NDFIP1: variants seen among roughly 807,000 people sequenced by gnomAD.
NDFIP1 encodes the protein NEDD4 family-interacting protein 1.
NDFIP1 carries 7 observed loss-of-function variants against 28.8 expected under a neutral mutation model. The ratio of observed to expected loss-of-function variants is 0.24; its 90% confidence interval spans 0.14 to 0.46. The LOEUF is 0.46. Among genes scored for constraint, NDFIP1 ranks in the 20% least tolerant of loss-of-function variants. NDFIP1 has a pLI of 0.99. For synonymous variants in NDFIP1, 92 were observed against 101.0 expected (o/e 0.91, Z 0.53); for missense variants, 194 against 269.1 (o/e 0.72, Z 1.95).
intron 1 of NDFIP1, among the ~76,000 whole-genome samples, chr5:142,119,214 A>G (rs1262074461): frequency 2.6e-5 from 4 of 152,186 alleles, no homozygotes; most frequent in Non-Finnish European, 5.9e-5. Flanking sequence ...CCTTATCTAT[A>G]AACTCCCACT....
At chr5:142,136,128 A>G (rs953662635) in intron 4 of NDFIP1, among the ~76,000 whole-genome samples, 3 of 152,154 alleles carry the variant, frequency 2.0e-5, no homozygotes, top group Admixed American at 2.0e-4. Flanking sequence ...CTCATACTTA[A>G]TCTGTAGAAT....
At chr5:142,140,667 T>C (rs374399532) in intron 6 of NDFIP1, 38 bp downstream of exon 6, 1 of 1,517,668 alleles carries the variant, frequency 6.6e-7, no homozygotes, top group Non-Finnish European at 9.0e-7. Context: ...AAGAAAACAT[T>C]ACATTAAATT....
chr5:142,144,557 C>T lies in NDFIP1; in HGVS notation c.563-14C>T. The T allele has an allele frequency of 6.3e-7, 1 of 1,578,594 alleles. No individual in the cohort carries two copies. Among genetic ancestry groups the T allele is most frequent in the East Asian group, 2.2e-5 (1 of 44,612 alleles). On this transcript the variant is annotated splice_polypyrimidine_tract_variant and intron_variant, in intron 6 of 7. Transcript: ENST00000253814. ...AATTATAAATTCATTCATGACTTTT[C>T]TTTTTTAAATTAGGCTTTCTCCTGT...
chr5:142,135,585 T>C (rs180877932), intron 3 of NDFIP1, 145 bp from the exon 4 acceptor site: 1 of 574,078 alleles, frequency 1.7e-6, no homozygotes, highest in East Asian at 2.8e-5. Context: ...CAAAATGGAA[T>C]TTTAAACACA....
intron 1 of NDFIP1, among the ~76,000 whole-genome samples, chr5:142,111,379 AT>A (rs778290311): frequency 9.2e-5 from 14 of 152,080 alleles, no homozygotes; most frequent in Non-Finnish European, 1.6e-4. Context: ...AATTTAACTA[AT>A]TGCTTATCTT....
intron 4 of NDFIP1, 118 bp from the exon 5 acceptor site, chr5:142,137,616 G>T: frequency 8.4e-6 from 10 of 1,185,836 alleles, no homozygotes; most frequent in Non-Finnish European, 1.2e-5. Flanking sequence ...TGACGGTTGT[G>T]GAGGACAGGC....
At chr5:142,151,415 G>A (rs1298172712) in intron 7 of NDFIP1, among the ~76,000 whole-genome samples, 2 of 152,194 alleles carry the variant, frequency 1.3e-5, no homozygotes, top group African/African-American at 4.8e-5. Context: ...TGCTGACAGC[G>A]TTCAGTGTGG....
At chr5:142,115,434 C>CG in intron 1 of NDFIP1, among the ~76,000 whole-genome samples, 1 of 152,030 alleles carries the variant, frequency 6.6e-6, no homozygotes, top group Non-Finnish European at 1.5e-5. Flanking sequence ...CAGGTGCCCA[C>CG]CACCACGCCC....
intron 3 of NDFIP1, among the ~76,000 whole-genome samples, chr5:142,133,469 T>C (rs982892862): frequency 7.2e-5 from 11 of 152,178 alleles, no homozygotes; most frequent in Non-Finnish European, 1.5e-4. Context: ...AAAATTTAGG[T>C]CCAGAGAGAA....
intron 1 of NDFIP1, among the ~76,000 whole-genome samples, chr5:142,131,045 C>T (rs1332568690): frequency 6.6e-6 from 1 of 151,922 alleles, no homozygotes; most frequent in Non-Finnish European, 1.5e-5. Context: ...GCCACGACCT[C>T]CTGGGTTCAA....
In NDFIP1 at chr5:142,109,055, C is replaced by G. The variant is rs533621517; in HGVS notation, c.63+18C>G. 35 of 1,389,608 alleles carry G rather than the reference C, an allele frequency of 2.5e-5. No homozygotes were observed. Among genetic ancestry groups the G allele is most frequent in the Non-Finnish European group, 2.5e-5 (27 of 1,071,266 alleles). 86.1% of individuals were successfully genotyped at this position (1,389,608 alleles called of 1,614,324 possible). On this transcript the variant is annotated intron_variant, in intron 1 of 7. Transcript: ENST00000253814. ...ACCAGCAGGTAAGCGGCGCCCGACTCCAGCCCCGAACTCCGGTCCCTGGCT... is the reference window on the plus strand; with the variant it reads ...ACCAGCAGGTAAGCGGCGCCCGACTGCAGCCCCGAACTCCGGTCCCTGGCT...
At chr5:142,140,425 G>C in intron 5 of NDFIP1, 138 bp from the exon 6 acceptor site, 1 of 609,422 alleles carries the variant, frequency 1.6e-6, no homozygotes. Context: ...TTCAGCCTGG[G>C]CAACAAGAGC....
intron 1 of NDFIP1, among the ~76,000 whole-genome samples, chr5:142,129,690 G>T (rs1314864493): frequency 6.6e-6 from 1 of 152,048 alleles, no homozygotes; most frequent in East Asian, 1.9e-4. Context: ...ACTTTGGGAG[G>T]CTAAGGCAGG....
At chr5:142,109,267 C>G (rs1005042774) in intron 1 of NDFIP1, among the ~76,000 whole-genome samples, 16 of 152,316 alleles carry the variant, frequency 1.1e-4, no homozygotes, top group African/African-American at 3.6e-4. Flanking sequence ...AAGTCCTCCT[C>G]CCGGCCTCGT....
intron 1 of NDFIP1, among the ~76,000 whole-genome samples, chr5:142,112,704 G>A (rs902831531): frequency 6.8e-6 from 1 of 147,478 alleles, no homozygotes; most frequent in African/African-American, 2.5e-5. Flanking sequence ...TGAGGCAGGA[G>A]AAACCCGGGA....
chr5:142,138,025 G>C, intron 5 of NDFIP1, 167 bp downstream of exon 5: 1 of 717,280 alleles, frequency 1.4e-6, no homozygotes, highest in South Asian at 2.5e-5. Context: ...ATTTGCAAAT[G>C]GTTCATGCAC....
Position 142,137,144 on chromosome 5 carries a change from G to GT in NDFIP1, c.371-584dup, listed in dbSNP as rs947931269. On this transcript the variant is annotated intron_variant, in intron 4 of 7. Transcript: ENST00000253814. ...TGAATGTTAAGGTTTGCTTTTTGCT[G>GT]TTTTTTGTTTTTTTTGCTTTTTCCT... Among the ~76,000 whole-genome samples, 12 of 150,630 alleles carry GT rather than the reference G, an allele frequency of 8.0e-5. No individual in the cohort carries two copies. The East Asian group carries it at 1.9e-3, about 24-fold the overall frequency.
chr5:142,127,489 A>G (rs913423943), intron 1 of NDFIP1, among the ~76,000 whole-genome samples: 3 of 152,170 alleles, frequency 2.0e-5, no homozygotes, highest in Non-Finnish European at 4.4e-5. Flanking sequence ...GGAAAAGAGT[A>G]ATGGCACACT....
chr5:142,136,021 G>A (rs1428766378), intron 4 of NDFIP1, among the ~76,000 whole-genome samples: 2 of 152,100 alleles, frequency 1.3e-5, no homozygotes, highest in African/African-American at 2.4e-5. Context: ...ATGAATATCT[G>A]TGGAAAATAT....
Sources: allele counts gnomAD v4.1 joint callset (sites outside exome capture counted in the v4.1 genomes callset), GRCh38; gene constraint gnomAD v4.1.1; transcripts MANE v1.5; gene names NCBI Gene and HGNC (gene_info 2026-07-23, HGNC 2026-07-21).